PDE7A: variants seen among roughly 807,000 people sequenced by gnomAD.
PDE7A encodes the protein high affinity 3',5'-cyclic-AMP phosphodiesterase 7A.
PDE7A carries 39 observed loss-of-function variants against 64.3 expected under a neutral mutation model. The ratio of observed to expected loss-of-function variants is 0.61; its 90% CI spans 0.47 to 0.79. The LOEUF (loss-of-function observed/expected upper bound fraction) is 0.79, where lower values mean the gene tolerates loss of function less well. Ranked by LOEUF, PDE7A falls within the 30% of genes least tolerant of loss-of-function variation. The pLI, the probability that PDE7A is intolerant of heterozygous loss-of-function variation, is 0.00. For missense variants in PDE7A, 470 were observed against 582.8 expected, an observed-to-expected ratio of 0.81 and a Z score of 1.99; for synonymous variants, 203 against 206.8, an observed-to-expected ratio of 0.98 and a Z score of 0.16.
At chr8:65,767,283 G>A (rs1808838133) in intron 3 of PDE7A, among the ~76,000 whole-genome samples, 1 of 152,172 alleles carries the variant, frequency 6.6e-6, no homozygotes, top group African/African-American at 2.4e-5. Flanking sequence ...AACGTTTATG[G>A]ATTAGTTGTC....
chr8:65,772,483 A>G (rs997975703), intron 3 of PDE7A, among the ~76,000 whole-genome samples: 1 of 152,232 alleles, frequency 6.6e-6, no homozygotes, highest in African/African-American at 2.4e-5. Context: ...TGTGGCATAA[A>G]TCACAAATTC....
chr8:65,763,051 T>C (rs1377782931), intron 3 of PDE7A, among the ~76,000 whole-genome samples: 1 of 151,176 alleles, frequency 6.6e-6, no homozygotes, highest in East Asian at 2.0e-4. Context: ...AAAATGAATA[T>C]ACAGCTTAAA....
At chr8:65,802,149 G>A (rs1432821681) in intron 1 of PDE7A, among the ~76,000 whole-genome samples, 1 of 152,182 alleles carries the variant, frequency 6.6e-6, no homozygotes, top group East Asian at 1.9e-4. Context: ...ACAGAAAGTA[G>A]AATAGAGGTT....
intron 1 of PDE7A, among the ~76,000 whole-genome samples, chr8:65,785,087 C>T (rs1809513609): frequency 6.6e-6 from 1 of 152,020 alleles, no homozygotes; most frequent in African/African-American, 2.4e-5. Context: ...TTATTATATC[C>T]TTAATGCTTA....
chr8:65,735,319 G>GT (rs202082825), intron 6 of PDE7A, among the ~76,000 whole-genome samples: 3 of 152,088 alleles, frequency 2.0e-5, no homozygotes, highest in South Asian at 2.1e-4. Context: ...GGTTAATAGT[G>GT]TTTTTTTGAG....
chr8:65,783,656 T>TA (rs1355880472), intron 1 of PDE7A, among the ~76,000 whole-genome samples: 6 of 152,206 alleles, frequency 3.9e-5, no homozygotes, highest in African/African-American at 1.4e-4. Context: ...TGCGTGTTAC[T>TA]AAAAGCTCCA....
At chr8:65,813,223 C>T (rs924430865) in intron 1 of PDE7A, among the ~76,000 whole-genome samples, 1 of 152,106 alleles carries the variant, frequency 6.6e-6, no homozygotes. Context: ...CCAAGTTCTA[C>T]CACTTCTAGA....
chr8:65,824,917 T>C (rs991608037), intron 1 of PDE7A, among the ~76,000 whole-genome samples: 4 of 152,136 alleles, frequency 2.6e-5, no homozygotes, highest in Non-Finnish European at 5.9e-5. Context: ...TGCCTATAGA[T>C]AGAGCAGGTA....
rs1806266613 is a variant in PDE7A at position 65,719,091 on chromosome 8, T to C, written c.*199A>G. On this transcript the variant is annotated 3_prime_UTR_variant, in exon 13 of 13. Transcript: ENST00000401827. ...AGGTTTCACATGAAAGCCAAATTCA[T>C]ATTGCTGTATGTTCGGGTCTTGCAA... 1.7e-6 allele frequency: 1 copy of C among 582,510 alleles called. No homozygotes were observed. The highest frequency in any genetic ancestry group is 1.9e-5 in the African/African-American group (1 of 53,776). The allele number at this position is 582,510 out of a possible 1,614,324, so 36.1% of individuals were successfully genotyped here. A position where few individuals can be genotyped will look rare whatever the true frequency, so the allele number is the denominator to read the frequency against.
At chr8:65,767,286 T>C (rs1808838315) in intron 3 of PDE7A, among the ~76,000 whole-genome samples, 1 of 152,202 alleles carries the variant, frequency 6.6e-6, no homozygotes. Context: ...GTTTATGGAT[T>C]AGTTGTCATG....
chr8:65,815,705 G>C (rs1313375928), intron 1 of PDE7A, among the ~76,000 whole-genome samples: 1 of 151,658 alleles, frequency 6.6e-6, no homozygotes, highest in Non-Finnish European at 1.5e-5. Flanking sequence ...ACATTGCTAA[G>C]ATCCATTGAT....
At chr8:65,774,071 CA>C (rs1809187975) in intron 3 of PDE7A, among the ~76,000 whole-genome samples, 1 of 152,136 alleles carries the variant, frequency 6.6e-6, no homozygotes, top group African/African-American at 2.4e-5. Context: ...AGTCAAAATT[CA>C]AAAGGTCTAC....
At chr8:65,745,592 A>G (rs1209149373) in intron 4 of PDE7A, 122 bp from the exon 5 acceptor site, 7 of 609,754 alleles carry the variant, frequency 1.1e-5, no homozygotes, top group African/African-American at 1.9e-5. Context: ...AAATACAAGT[A>G]TCATTTTTCT....
chr8:65,741,037 A>T (rs1807405664), intron 5 of PDE7A, among the ~76,000 whole-genome samples: 3 of 152,190 alleles, frequency 2.0e-5, no homozygotes, highest in Admixed American at 6.5e-5. Context: ...ATAGAAATTA[A>T]ATTTGGAAAA....
intron 1 of PDE7A, among the ~76,000 whole-genome samples, chr8:65,783,425 T>G (rs1380204565): frequency 6.7e-6 from 1 of 150,290 alleles, no homozygotes; most frequent in African/African-American, 2.5e-5. Flanking sequence ...GTCTCCTGGC[T>G]TTTCCTCATC....
intron 5 of PDE7A, among the ~76,000 whole-genome samples, chr8:65,742,074 C>G (rs921197345): frequency 6.6e-6 from 1 of 152,108 alleles, no homozygotes; most frequent in African/African-American, 2.4e-5. Context: ...TATTTCAAAA[C>G]AAGAGATGCT....
intron 4 of PDE7A, among the ~76,000 whole-genome samples, chr8:65,747,110 C>CA (rs779677547): frequency 2.0e-5 from 3 of 152,250 alleles, no homozygotes; most frequent in East Asian, 1.9e-4. Context: ...TCTAAACCCT[C>CA]AAAAATCTCT....
intron 1 of PDE7A, among the ~76,000 whole-genome samples, chr8:65,827,332 T>C (rs916029036): frequency 2.0e-5 from 3 of 152,228 alleles, no homozygotes; most frequent in Admixed American, 6.5e-5. Flanking sequence ...GCTCTTCTAA[T>C]GGTAATATTC....
intron 1 of PDE7A, among the ~76,000 whole-genome samples, chr8:65,817,817 A>G (rs990247224): frequency 7.0e-6 from 1 of 143,602 alleles, no homozygotes; most frequent in South Asian, 2.2e-4. Context: ...CAGCGGCGCT[A>G]TCTCTGCTCA....
Sources: gnomAD v4.1 joint callset for allele counts (sites outside exome capture counted in the v4.1 genomes callset) on GRCh38, gnomAD v4.1.1 for gene constraint, MANE v1.5 for transcripts, NCBI Gene and HGNC (gene_info 2026-07-23, HGNC 2026-07-21) for gene names.